Variants in EBF3 observed in about 807,000 individuals in gnomAD.
EBF3 encodes transcription factor COE3.
In EBF3, 18 loss-of-function variants were observed where a neutral mutation model predicts 77.1. The observed-to-expected ratio is 0.23, with a 90% CI of 0.16 to 0.35. The LOEUF (loss-of-function observed/expected upper bound fraction) is 0.35. EBF3 is among the 10% of genes least tolerant of loss of function. The probability of loss-of-function intolerance (pLI) is 1.00; values close to 1 mark genes in which losing one functional copy is unlikely to be tolerated. For missense variants in EBF3, 558 were observed against 860.0 expected (o/e 0.65, Z 4.39); for synonymous variants, 350 against 343.5 (o/e 1.02, Z -0.21).
intron 10 of EBF3, among the ~76,000 whole-genome samples, chr10:129,865,857 G>A (rs957426565): frequency 8.5e-5 from 13 of 152,278 alleles, no homozygotes; most frequent in East Asian, 1.9e-4. Context: ...CCCATTGGGC[G>A]TCCTTCAGGT....
intron 11 of EBF3, among the ~76,000 whole-genome samples, chr10:129,843,770 TC>T (rs1419383220): frequency 6.6e-6 from 1 of 152,236 alleles, no homozygotes; most frequent in Non-Finnish European, 1.5e-5. Context: ...TTAATCTAGT[TC>T]TTTCATAATG....
rs970748695 is a variant in EBF3 at position 129,841,087 on chromosome 10, TG to T, written c.1373-56del. On this transcript the variant is annotated intron_variant, in intron 13 of 16. Transcript: ENST00000440978. This position sits in a 1 kb window ranked among gnomAD's most constrained non-coding sequence, Gnocchi z 4.6. ...AACATTATTATCAGCGACAGACACT[TG>T]GGGGGGGTTCCCCGAGAATCTATAT... 1.5e-4 allele frequency: 238 copies of T among 1,571,728 alleles called. No homozygotes were observed. Among genetic ancestry groups the T allele is most frequent in the Middle Eastern group, 4.5e-4 (2 of 4,438 alleles).
intron 10 of EBF3, among the ~76,000 whole-genome samples, chr10:129,859,142 G>A (rs1851448009): frequency 6.6e-6 from 1 of 152,196 alleles, no homozygotes; most frequent in Admixed American, 6.5e-5. Context: ...CCACATCGCT[G>A]ACAGACAGCC....
intron 6 of EBF3, among the ~76,000 whole-genome samples, chr10:129,921,406 G>A (rs1856297701): frequency 6.6e-6 from 1 of 152,138 alleles, no homozygotes; most frequent in Non-Finnish European, 1.5e-5. Flanking sequence ...TGGGGGAAAA[G>A]TCACCCCAGG....
chr10:129,933,985 C>T (rs928415535), intron 6 of EBF3, among the ~76,000 whole-genome samples: 4 of 152,222 alleles, frequency 2.6e-5, no homozygotes, highest in Non-Finnish European at 5.9e-5. Flanking sequence ...TCTGCTCCTG[C>T]GCCCTGTCCA....
chr10:129,839,172 C>T lies in EBF3; in HGVS notation c.1783G>A (p.Val595Ile), dbSNP rs765727061. The change falls in exon 16 of 17, where the codon GTA (valine) becomes ATA (isoleucine). Residue 595 changes from valine (V) to isoleucine (I), a missense_variant. This residue lies in a region of EBF3 where 284 missense variants were observed against 368.3 expected (regional missense o/e 0.77). Coordinates refer to ENST00000440978, the MANE Select transcript of EBF3 (RefSeq NM_001375380.1). ...GGCCAGTTTGTCTTCTCCGCGGCTA[C>T]GTCCTCAGCACCCAGCAGAGAGCCT... ...LQGSLLGAED[V>I]AAEKTNWPFC... The T allele has an allele frequency of 3.7e-5, 48 of 1,300,874 alleles. No individual in the cohort carries two copies. Among genetic ancestry groups the T allele is most frequent in the African/African-American group, 6.1e-5 (4 of 65,930 alleles). The allele number at this position is 1,300,874 out of a possible 1,614,324, so 80.6% of individuals were successfully genotyped here. A position where few individuals can be genotyped will look rare whatever the true frequency, so the allele number is the denominator to read the frequency against.
intron 6 of EBF3, among the ~76,000 whole-genome samples, chr10:129,931,691 C>T (rs952226491): frequency 6.6e-6 from 1 of 152,258 alleles, no homozygotes; most frequent in African/African-American, 2.4e-5. Flanking sequence ...GAAGTCTTCT[C>T]ATTCTTTCTC....
In EBF3 at chr10:129,937,485, C is replaced by T. The variant is rs569893395; in HGVS notation, c.554+19773G>A. On this transcript the variant is annotated intron_variant, in intron 6 of 16. Coordinates refer to ENST00000440978, the MANE Select transcript of EBF3 (RefSeq NM_001375380.1). ...TGCTCCTGCCCTCAAGACACACCAG[C>T]GCTGCCCCAAGCCCACACAACCTGT... 9.2e-5 allele frequency among the ~76,000 whole-genome samples: 14 copies of T among 152,284 alleles called. No individual in the cohort carries two copies. The South Asian group carries it at 1.2e-3, about 14-fold the overall frequency.
At chr10:129,911,228 C>T (rs896720868) in intron 6 of EBF3, among the ~76,000 whole-genome samples, 9 of 152,348 alleles carry the variant, frequency 5.9e-5, no homozygotes, top group South Asian at 4.1e-4. Flanking sequence ...GCCATGGTCC[C>T]GGAGCACAGG....
In EBF3 at chr10:129,870,949, G is replaced by C. The variant is rs1852363835; in HGVS notation, c.781+2503C>G. ...GAGGCACTCAAACAGGCCTAATCTTGCCTCATGAAGACTTCTTTGTTCTGC... is the reference window on the plus strand; with the variant it reads ...GAGGCACTCAAACAGGCCTAATCTTCCCTCATGAAGACTTCTTTGTTCTGC... On this transcript the variant is annotated intron_variant, in intron 8 of 16. Transcript: ENST00000440978. This position sits in a 1 kb window ranked among gnomAD's most constrained non-coding sequence, Gnocchi z 4.4. Among the ~76,000 whole-genome samples the C allele has an allele frequency of 6.6e-6, 1 of 152,112 alleles. No homozygotes were observed. The highest frequency in any genetic ancestry group is 1.5e-5 in the Non-Finnish European group (1 of 68,026).
At chr10:129,914,660 G>GCGGC (rs1409726277) in intron 6 of EBF3, among the ~76,000 whole-genome samples, 1 of 152,190 alleles carries the variant, frequency 6.6e-6, no homozygotes, top group African/African-American at 2.4e-5. Context: ...GACCCACTGT[G>GCGGC]CGGCCGGTCC....
chr10:129,869,966 C>T (rs1029897877), intron 8 of EBF3, among the ~76,000 whole-genome samples: 1 of 149,680 alleles, frequency 6.7e-6, no homozygotes, highest in African/African-American at 2.5e-5. Context: ...CCTTCATCAG[C>T]ACAGCCAATT....
intron 6 of EBF3, among the ~76,000 whole-genome samples, chr10:129,880,439 G>A (rs543853660): frequency 1.8e-4 from 28 of 151,842 alleles, no homozygotes; most frequent in South Asian, 8.4e-4. Context: ...AGACACACAC[G>A]CGCATACACA....
chr10:129,843,017 C>T, intron 12 of EBF3, 120 bp downstream of exon 12: 3 of 937,428 alleles, frequency 3.2e-6, no homozygotes, highest in Non-Finnish European at 4.9e-6. Flanking sequence ...ACATCAGACT[C>T]CTGTGGAGTC....
intron 6 of EBF3, among the ~76,000 whole-genome samples, chr10:129,940,470 A>C (rs1481140460): frequency 1.3e-5 from 2 of 152,346 alleles, no homozygotes; most frequent in East Asian, 3.9e-4. Flanking sequence ...CCTGGTTTCA[A>C]ATCCCAGCTA....
intron 6 of EBF3, among the ~76,000 whole-genome samples, chr10:129,948,022 C>T (rs1246249516): frequency 6.6e-6 from 1 of 151,944 alleles, no homozygotes; most frequent in African/African-American, 2.4e-5. Context: ...TTTGGGAGGC[C>T]GAGGCAGGTG....
chr10:129,932,035 G>T (rs1431527398), intron 6 of EBF3, among the ~76,000 whole-genome samples: 1 of 152,204 alleles, frequency 6.6e-6, no homozygotes, highest in Non-Finnish European at 1.5e-5. Context: ...AGAGGAAGAA[G>T]AGAGGGCTTG....
intron 14 of EBF3, among the ~76,000 whole-genome samples, 159 bp from the exon 15 acceptor site, chr10:129,840,601 T>C (rs934968291): frequency 1.3e-5 from 2 of 152,230 alleles, no homozygotes; most frequent in Non-Finnish European, 2.9e-5. Context: ...CAAGCTCTTT[T>C]GCACTGGACT....
intron 6 of EBF3, among the ~76,000 whole-genome samples, chr10:129,953,399 CT>C (rs1329875286): frequency 1.3e-5 from 2 of 151,410 alleles, no homozygotes; most frequent in African/African-American, 4.9e-5. Context: ...ATCCTCCCCC[CT>C]CTTCAACCCC....
Sources: gnomAD v4.1 joint callset for allele counts (sites outside exome capture counted in the v4.1 genomes callset) on GRCh38, gnomAD v4.1.1 for gene constraint, gnomAD v4.1.1 regional missense constraint, Gnocchi (gnomAD v3.1) non-coding constraint, MANE v1.5 for transcripts, NCBI Gene and HGNC (gene_info 2026-07-23, HGNC 2026-07-21) for gene names.